The following FBXL18 variants were observed in gnomAD, a reference collection of about 807,000 sequenced individuals.
The protein encoded by FBXL18 is F-box and leucine rich repeat protein 18.
In FBXL18, 36 loss-of-function variants were observed where a neutral mutation model predicts 46.0. The ratio of observed to expected loss-of-function variants is 0.78; its 90% CI spans 0.60 to 1.03. The LOEUF (loss-of-function observed/expected upper bound fraction) is 1.03, where lower values mean the gene tolerates loss of function less well. FBXL18 is among the 50% of genes least tolerant of loss of function. The pLI is 0.00. For missense variants in FBXL18, 977 were observed against 1,004.1 expected, an observed-to-expected ratio of 0.97 and a Z score of 0.36; for synonymous variants, 557 against 465.3, an observed-to-expected ratio of 1.20 and a Z score of -2.54.
intron 3 of FBXL18, 91 bp downstream of exon 3, chr7:5,500,397 G>A (rs1004323807): frequency 8.1e-7 from 1 of 1,239,294 alleles, no homozygotes; most frequent in Non-Finnish European, 1.1e-6. Context: ...CACTCCTGGA[G>A]GGCAGGCCAG....
chr7:5,468,687 A>C (rs1252933216), intron 4 of FBXL18, among the ~76,000 whole-genome samples: 1 of 151,896 alleles, frequency 6.6e-6, no homozygotes, highest in African/African-American at 2.4e-5. Flanking sequence ...TGCAGACAAC[A>C]ACTCCTGGGC....
At chr7:5,509,240 C>G (rs933722825) in intron 1 of FBXL18, among the ~76,000 whole-genome samples, 2 of 149,554 alleles carry the variant, frequency 1.3e-5, no homozygotes, top group African/African-American at 4.9e-5. Flanking sequence ...CACAGTTACA[C>G]GACCACACTG....
intron 4 of FBXL18, among the ~76,000 whole-genome samples, chr7:5,454,798 CGGA>C (rs879770964): frequency 5.9e-5 from 9 of 152,162 alleles, no homozygotes; most frequent in Non-Finnish European, 8.8e-5. Flanking sequence ...TGGGGACTCA[CGGA>C]GGAGAAGGCG....
intron 1 of FBXL18, among the ~76,000 whole-genome samples, chr7:5,506,289 C>T (rs1228433260): frequency 1.4e-4 from 21 of 144,900 alleles, no homozygotes; most frequent in Non-Finnish European, 2.4e-4. Flanking sequence ...TGCTTTGTCA[C>T]CCAGGGTGGA....
chr7:5,458,421 C>A (rs1350729060), intron 4 of FBXL18, among the ~76,000 whole-genome samples: 1 of 152,126 alleles, frequency 6.6e-6, no homozygotes, highest in Non-Finnish European at 1.5e-5. Context: ...AAAAATTGGC[C>A]GGGCGTGGTG....
Position 5,481,623 on chromosome 7 carries a change from C to T in FBXL18, c.*152G>A, listed in dbSNP as rs367852114. The T allele has an allele frequency of 1.0e-5, 8 of 762,388 alleles. No individual in the cohort carries two copies. The highest frequency in any genetic ancestry group is 7.0e-5 in the African/African-American group (4 of 57,494). 47.2% of individuals were successfully genotyped at this position (762,388 alleles called of 1,614,324 possible). A position where few individuals can be genotyped will look rare whatever the true frequency, so the allele number is the denominator to read the frequency against. ...AGAGCAACAGTCCCCATGAGAGAGC[C>T]GTGGAGACGCCGGGAGCCCCAGGAG... is the stretch of plus-strand genomic sequence containing the variant. On this transcript the variant is annotated 3_prime_UTR_variant, in exon 5 of 5. Coordinates refer to ENST00000382368, the MANE Select transcript of FBXL18 (RefSeq NM_024963.6).
chr7:5,459,656 C>T (rs966192608), intron 4 of FBXL18, among the ~76,000 whole-genome samples: 3 of 151,408 alleles, frequency 2.0e-5, no homozygotes, highest in Non-Finnish European at 2.9e-5. Flanking sequence ...AGGAGAATGG[C>T]GTGAACCTGG....
At position 5,500,931 on chromosome 7, in the gene FBXL18, G is replaced by A. The variant is rs759644160; in HGVS notation, c.1338C>T (p.Arg446=). 3 of 1,556,336 alleles carry A rather than the reference G, an allele frequency of 1.9e-6. No individual in the cohort carries two copies. Among genetic ancestry groups the A allele is most frequent in the East Asian group, 2.3e-5 (1 of 44,108 alleles). ...CCACACGCACTTTCTTGCCAAAGCC[G>A]CGCGGCACTGCGTGCATGGCCGGCT... ...PAQPAMHAVP[R]GFGKKVRVGV... is the part of the protein sequence containing the mutation. Residue 446 remains arginine, a synonymous_variant, in exon 3 of 5, where the codon CGC becomes CGT. Transcript: ENST00000382368.
rs1304431303 is a variant in FBXL18, at chr7:5,481,844, CA to C, written c.2087del (p.Leu696ArgfsTer84). On this transcript the variant is annotated frameshift_variant, in exon 5 of 5. Transcript: ENST00000382368. LOFTEE classifies it high-confidence loss of function. ...ATAAGGTGATCTCATCCAGGTGCAC[CA>C]GGGGGACGTCCCGGATGACGTCGGT... The part of the protein sequence containing the change: ...GLTDVIRDVP[L>X]VHLDEITLFK... 6 of 1,613,860 alleles carry C rather than the reference CA, an allele frequency of 3.7e-6. No homozygotes were observed. The highest frequency in any genetic ancestry group is 5.1e-6 in the Non-Finnish European group (6 of 1,179,994).
downstream of FBXL18, among the ~76,000 whole-genome samples, chr7:5,472,093 A>C (rs976729781): frequency 1.1e-4 from 16 of 152,182 alleles, no homozygotes; most frequent in Non-Finnish European, 1.3e-4. Context: ...ATCTCAAAAC[A>C]AAAATGAAGC....
Position 5,501,672 on chromosome 7 carries a change from G to A in FBXL18, c.597C>T (p.Leu199=), listed in dbSNP as rs1179456259. Residue 199 remains leucine, a synonymous_variant, in exon 3 of 5, where the codon CTC becomes CTT. Transcript: ENST00000382368. ...GCGTGCGGTCCAGAATCTCGAAGTAGAGCAGCAGCTTCTCTAGGCTGGTGC... is the reference window on the plus strand; with the variant it reads ...GCGTGCGGTCCAGAATCTCGAAGTAAAGCAGCAGCTTCTCTAGGCTGGTGC... ...PCCTSLEKLL[L]YFEILDRTRE... 6.2e-7 allele frequency: 1 copy of A among 1,609,136 alleles called. No individual in the cohort carries two copies. The highest frequency in any genetic ancestry group is 1.3e-5 in the African/African-American group (1 of 74,880).
chr7:5,470,866 G>A (rs543942005), downstream of FBXL18, among the ~76,000 whole-genome samples: 2 of 152,296 alleles, frequency 1.3e-5, no homozygotes, highest in South Asian at 4.1e-4. Flanking sequence ...AGATGGCGGT[G>A]GCTGAGAAAG....
At chr7:5,505,698 G>T in intron 1 of FBXL18, 68 bp from the exon 2 acceptor site, 1 of 1,370,048 alleles carries the variant, frequency 7.3e-7, no homozygotes. Flanking sequence ...CCTGCAGCTA[G>T]GCAGAGAAGC....
chr7:5,483,548 C>T (rs988125400), intron 4 of FBXL18, among the ~76,000 whole-genome samples: 1 of 152,026 alleles, frequency 6.6e-6, no homozygotes, highest in African/African-American at 2.4e-5. Flanking sequence ...AGTTCGAGAC[C>T]AGCCTGACCA....
chr7:5,506,548 C>A (rs1331052777), intron 1 of FBXL18, among the ~76,000 whole-genome samples: 1 of 142,872 alleles, frequency 7.0e-6, no homozygotes, highest in Non-Finnish European at 1.5e-5. Flanking sequence ...AGCCACCATG[C>A]CCGGCTTTTT....
chr7:5,488,736 G>T (rs1783839028), intron 4 of FBXL18, among the ~76,000 whole-genome samples: 1 of 152,210 alleles, frequency 6.6e-6, no homozygotes, highest in African/African-American at 2.4e-5. Flanking sequence ...GGGGGCGAAG[G>T]CCCGAGGCTC....
At chr7:5,473,882 C>A (rs1424682550), downstream of FBXL18, among the ~76,000 whole-genome samples, 1 of 152,074 alleles carries the variant, frequency 6.6e-6, no homozygotes, top group East Asian at 1.9e-4. Context: ...GCAGCCCCCA[C>A]CTCCCAGGTT....
chr7:5,505,420 C>A lies in FBXL18; in HGVS notation c.229G>T (p.Asp77Tyr). 2 of 1,614,066 alleles carry A rather than the reference C, an allele frequency of 1.2e-6. No individual in the cohort carries two copies. The highest frequency in any genetic ancestry group is 2.2e-5 in the South Asian group (2 of 91,066). ...SLIHTVLLQK[D>Y]YQASEDKVRQ... ...CCCCCACGCCTGCTCACCTGATAGT[C>A]CTTTTGCAGCAACACGGTGTGGATG... Residue 77 changes from aspartate (D) to tyrosine (Y), a missense_variant, in exon 2 of 5, where the codon GAC becomes TAC. Transcript: ENST00000382368.
intron 1 of FBXL18, among the ~76,000 whole-genome samples, chr7:5,508,121 C>T (rs1304410921): frequency 1.3e-5 from 2 of 152,030 alleles, no homozygotes; most frequent in Non-Finnish European, 2.9e-5. Context: ...CAAAAACTAG[C>T]CAGGCGTGGT....
Sources: gnomAD v4.1 joint callset for allele counts (sites outside exome capture counted in the v4.1 genomes callset) on GRCh38, gnomAD v4.1.1 for gene constraint, MANE v1.5 for transcripts, NCBI Gene and HGNC (gene_info 2026-07-23, HGNC 2026-07-21) for gene names.